GRIA1: variants seen among roughly 807,000 people sequenced by gnomAD.
The protein encoded by GRIA1 is glutamate ionotropic receptor AMPA type subunit 1, also known as glutamate receptor 1.
In GRIA1, 31 loss-of-function variants were observed where a neutral mutation model predicts 99.2. That is an observed-to-expected ratio of 0.31 (90% CI 0.23 to 0.42). GRIA1 has a LOEUF of 0.42. Among genes scored for constraint, GRIA1 ranks in the 10% least tolerant of loss-of-function variants. GRIA1 has a pLI of 1.00. For synonymous variants in GRIA1, 438 were observed against 432.4 expected, an observed-to-expected ratio of 1.01 and a Z score of -0.16; for missense variants, 782 against 1,157.5, an observed-to-expected ratio of 0.68 and a Z score of 4.71.
At position 153,566,182 on chromosome 5, in the gene GRIA1, T is replaced by G. The variant is rs561568613; in HGVS notation, c.220+72117T>G. The stretch of plus-strand genomic sequence containing the variant: ...TTATAGTCATTCTGTGGGTATGAAG[T>G]GGTATCTCATTGTGGTTTTGATTTA... On this transcript the variant is annotated intron_variant, in intron 2 of 15. Coordinates refer to ENST00000285900, the MANE Select transcript of GRIA1 (RefSeq NM_000827.4). 9.2e-5 allele frequency among the ~76,000 whole-genome samples: 14 copies of G among 152,212 alleles called. No homozygotes were observed. In the East Asian group the frequency reaches 2.5e-3, roughly 27 times the overall value.
intron 2 of GRIA1, among the ~76,000 whole-genome samples, chr5:153,498,243 C>T (rs1036358404): frequency 6.6e-6 from 1 of 152,172 alleles, no homozygotes; most frequent in Non-Finnish European, 1.5e-5. Flanking sequence ...TCCCAATCAG[C>T]CCATTCTTCC....
chr5:153,547,577 A>T (rs1048055757), intron 2 of GRIA1, among the ~76,000 whole-genome samples: 5 of 152,192 alleles, frequency 3.3e-5, no homozygotes, highest in Non-Finnish European at 7.4e-5. Flanking sequence ...CTATTTATGG[A>T]TGCAGATTGG....
In GRIA1 at chr5:153,812,312, G is replaced by T. The variant is rs1766870837; in HGVS notation, c.*1087G>T. ...AGCTAAGTGTAAAAGAAAAGTGACA[G>T]AATAATTTTGGAAGAGGAAGCCTCA... On this transcript the variant is annotated 3_prime_UTR_variant, in exon 16 of 16. Transcript: ENST00000285900. 6.6e-6 allele frequency: 1 copy of T among 152,140 alleles called. No homozygotes were observed. Among genetic ancestry groups the T allele is most frequent in the African/African-American group, 2.4e-5 (1 of 41,432 alleles). 9.4% of individuals were successfully genotyped at this position (152,140 alleles called of 1,614,324 possible).
intron 7 of GRIA1, among the ~76,000 whole-genome samples, chr5:153,679,786 C>G (rs762696817): frequency 6.6e-6 from 1 of 152,178 alleles, no homozygotes; most frequent in African/African-American, 2.4e-5. Flanking sequence ...TGGGAGAGAA[C>G]CTGTGGTTTA....
intron 2 of GRIA1, among the ~76,000 whole-genome samples, chr5:153,577,560 A>T (rs1433537649): frequency 6.6e-6 from 1 of 152,132 alleles, no homozygotes; most frequent in Non-Finnish European, 1.5e-5. Context: ...TTCCATCCCA[A>T]AGTCTGGATT....
chr5:153,595,711 T>C (rs1015436141), intron 2 of GRIA1, among the ~76,000 whole-genome samples: 4 of 149,078 alleles, frequency 2.7e-5, no homozygotes, highest in African/African-American at 7.3e-5. Flanking sequence ...TAAACCTTTA[T>C]CTAAAAAGCA....
In GRIA1 at chr5:153,495,729, G is replaced by A. The variant is rs375740086; in HGVS notation, c.220+1664G>A. ...AAAAAATAGCTGAAGTTTAATTGCT[G>A]AATTTTAGTTCTATGAAACTATCTT... On this transcript the variant is annotated intron_variant, in intron 2 of 15. Coordinates refer to ENST00000285900, the MANE Select transcript of GRIA1 (RefSeq NM_000827.4). Among the ~76,000 whole-genome samples the A allele has an allele frequency of 1.2e-4, 18 of 152,198 alleles. No homozygotes were observed. The East Asian group carries it at 1.3e-3, about 11-fold the overall frequency.
chr5:153,746,186 AG>A (rs35427120), intron 11 of GRIA1, among the ~76,000 whole-genome samples: 61,102 of 151,922 alleles, frequency 0.4, 13,528 homozygotes, highest in East Asian at 0.94. Context: ...GTCCCTTTGA[AG>A]AATTGGCTGG....
chr5:153,531,023 A>T (rs1056272233), intron 2 of GRIA1, among the ~76,000 whole-genome samples: 2 of 152,212 alleles, frequency 1.3e-5, no homozygotes, highest in African/African-American at 4.8e-5. Flanking sequence ...GGGTGATGTG[A>T]CAGAGAGCTG....
chr5:153,663,996 C>T (rs769621887), intron 5 of GRIA1, among the ~76,000 whole-genome samples: 15 of 152,190 alleles, frequency 9.9e-5, no homozygotes, highest in Non-Finnish European at 1.5e-4. Flanking sequence ...ACTATGATTG[C>T]TCTGACAGAG....
At chr5:153,526,489 A>G (rs1757612442) in intron 2 of GRIA1, among the ~76,000 whole-genome samples, 1 of 152,226 alleles carries the variant, frequency 6.6e-6, no homozygotes, top group South Asian at 2.1e-4. Context: ...AACAACTTAC[A>G]TGAAAATATC....
At chr5:153,629,599 C>T (rs1345765093) in intron 2 of GRIA1, among the ~76,000 whole-genome samples, 3 of 152,186 alleles carry the variant, frequency 2.0e-5, no homozygotes, top group Non-Finnish European at 4.4e-5. Context: ...ACTTGGGCTC[C>T]GTGTACACAC....
At chr5:153,610,651 T>G (rs1765899569) in intron 2 of GRIA1, among the ~76,000 whole-genome samples, 1 of 152,218 alleles carries the variant, frequency 6.6e-6, no homozygotes, top group East Asian at 1.9e-4. Flanking sequence ...ATTCTACTAT[T>G]TATTAGCATT....
intron 2 of GRIA1, among the ~76,000 whole-genome samples, chr5:153,605,895 G>T (rs1482991134): frequency 2.6e-5 from 4 of 152,096 alleles, no homozygotes; most frequent in African/African-American, 9.7e-5. Flanking sequence ...TCCATAGCTT[G>T]CATTTTCACT....
At chr5:153,501,772 T>C (rs905651910) in intron 2 of GRIA1, among the ~76,000 whole-genome samples, 1 of 152,110 alleles carries the variant, frequency 6.6e-6, no homozygotes, top group Non-Finnish European at 1.5e-5. Flanking sequence ...TGACTTGGTT[T>C]AGGGGTGCGT....
intron 13 of GRIA1, among the ~76,000 whole-genome samples, chr5:153,772,933 G>T (rs935427159): frequency 6.6e-6 from 1 of 152,112 alleles, no homozygotes; most frequent in African/African-American, 2.4e-5. Flanking sequence ...AACATAATTT[G>T]TCCAATCAAT....
At chr5:153,647,987 C>T (rs749220690) in intron 3 of GRIA1, among the ~76,000 whole-genome samples, 5 of 152,316 alleles carry the variant, frequency 3.3e-5, no homozygotes, top group Non-Finnish European at 5.9e-5. Context: ...CCTACCTTCT[C>T]ATTGTATACT....
chr5:153,513,601 G>A (rs1004823377), intron 2 of GRIA1, among the ~76,000 whole-genome samples: 2 of 152,090 alleles, frequency 1.3e-5, no homozygotes, highest in Non-Finnish European at 1.5e-5. Flanking sequence ...CAGTTTTGTC[G>A]CTGATTAACC....
intron 5 of GRIA1, among the ~76,000 whole-genome samples, chr5:153,672,796 C>T (rs900225304): frequency 1.3e-5 from 2 of 152,284 alleles, no homozygotes; most frequent in East Asian, 1.9e-4. Context: ...ATCCCCTGCT[C>T]ATTTTCCCAT....
Sources: gnomAD v4.1 joint callset for allele counts (sites outside exome capture counted in the v4.1 genomes callset) on GRCh38, gnomAD v4.1.1 for gene constraint, MANE v1.5 for transcripts, NCBI Gene and HGNC (gene_info 2026-07-23, HGNC 2026-07-21) for gene names.